Variants in SLC4A10 observed in about 807,000 individuals in gnomAD.
SLC4A10 encodes the protein sodium-driven chloride bicarbonate exchanger.
SLC4A10 carries 42 observed loss-of-function variants against 137.7 expected under a neutral mutation model. The ratio of observed to expected loss-of-function variants is 0.30; its 90% CI spans 0.24 to 0.39. The LOEUF (loss-of-function observed/expected upper bound fraction) is 0.39. Among genes scored for constraint, SLC4A10 ranks in the 10% least tolerant of loss-of-function variants. SLC4A10 has a pLI of 1.00. For synonymous variants in SLC4A10, 474 were observed against 464.1 expected, an observed-to-expected ratio of 1.02 and a Z score of -0.27; for missense variants, 925 against 1,355.0, an observed-to-expected ratio of 0.68 and a Z score of 4.98.
intron 13 of SLC4A10, 78 bp from the exon 14 acceptor site, chr2:161,904,698 T>C: frequency 6.5e-7 from 1 of 1,534,462 alleles, no homozygotes; most frequent in Non-Finnish European, 8.9e-7. Flanking sequence ...CATATCCATG[T>C]ATTTTAAATG....
intron 17 of SLC4A10, among the ~76,000 whole-genome samples, chr2:161,948,105 T>A (rs1443635404): frequency 6.6e-6 from 1 of 152,162 alleles, no homozygotes; most frequent in Non-Finnish European, 1.5e-5. Context: ...CAAGACTCAT[T>A]GGAACAATAT....
Position 161,949,232 on chromosome 2 carries a change from C to G in SLC4A10, c.2350C>G (p.Pro784Ala). The change falls in exon 18 of 27, where the codon CCA (proline) becomes GCA (alanine). Residue 784 changes from proline (P) to alanine (A), a missense_variant. Physicochemically the swap from Pro to Ala is conservative, Grantham distance 27. Transcript: ENST00000446997. The part of the protein sequence containing the change: ...LIDYAIGIPS[P>A]KLQVPSVFKP... Reference sequence around the variant, plus strand: ...TGACTATGCCATTGGGATCCCATCTCCAAAACTACAAGTACCAAGTGTTTT... The same window carrying G: ...TGACTATGCCATTGGGATCCCATCTGCAAAACTACAAGTACCAAGTGTTTT... 1 of 1,611,020 alleles carries G rather than the reference C, an allele frequency of 6.2e-7. No homozygotes were observed.
At chr2:161,976,927 A>T (rs1329472318) in intron 25 of SLC4A10, 51 bp downstream of exon 25, 2 of 960,772 alleles carry the variant, frequency 2.1e-6, no homozygotes, top group Non-Finnish European at 3.1e-6. Context: ...TTGTTTTTTG[A>T]CATAAACCAT....
At chr2:161,762,505 C>CA in intron 1 of SLC4A10, among the ~76,000 whole-genome samples, 1 of 151,992 alleles carries the variant, frequency 6.6e-6, no homozygotes, top group Non-Finnish European at 1.5e-5. Context: ...CTTTAACTTC[C>CA]ATGGTAATGA....
intron 1 of SLC4A10, among the ~76,000 whole-genome samples, chr2:161,658,663 G>T (rs570606730): frequency 7.3e-6 from 1 of 136,342 alleles, no homozygotes; most frequent in Non-Finnish European, 1.5e-5. Context: ...GTACAATCTC[G>T]GCTCACTGCA....
At chr2:161,752,425 C>T (rs1302669865) in intron 1 of SLC4A10, among the ~76,000 whole-genome samples, 1 of 152,022 alleles carries the variant, frequency 6.6e-6, no homozygotes, top group Non-Finnish European at 1.5e-5. Context: ...GATGGCTCTT[C>T]ATCTCTGAAC....
Position 161,882,405 on chromosome 2 carries a change from T to C in SLC4A10, c.1155T>C (p.His385=). 3 of 1,600,978 alleles carry C rather than the reference T, an allele frequency of 1.9e-6. No homozygotes were observed. The highest frequency in any genetic ancestry group is 2.6e-6 in the Non-Finnish European group (3 of 1,173,120). The change falls in exon 10 of 27, where the codon CAT becomes CAC. Residue 385 remains histidine, a synonymous_variant. Coordinates refer to ENST00000446997, the MANE Select transcript of SLC4A10 (RefSeq NM_001178015.2). ...LGPLGKGQQY[H]EIGRSIATLM... is the part of the protein sequence containing the mutation. Reference sequence around the variant, plus strand: ...CCCTGGGAAAGGGTCAACAGTACCATGAGATTGGCAGATCAATTGCAACCC... The same window carrying C: ...CCCTGGGAAAGGGTCAACAGTACCACGAGATTGGCAGATCAATTGCAACCC...
At chr2:161,687,212 G>A (rs2041522083) in intron 1 of SLC4A10, among the ~76,000 whole-genome samples, 1 of 152,104 alleles carries the variant, frequency 6.6e-6, no homozygotes, top group Non-Finnish European at 1.5e-5. Context: ...ATATGTGCAT[G>A]ATGAATTGCT....
chr2:161,928,851 G>T (rs1311375866), intron 15 of SLC4A10, among the ~76,000 whole-genome samples: 1 of 152,062 alleles, frequency 6.6e-6, no homozygotes, highest in Non-Finnish European at 1.5e-5. Flanking sequence ...TATAGGCATA[G>T]ATATACAGTA....
At chr2:161,915,065 C>G (rs1004391337) in intron 15 of SLC4A10, among the ~76,000 whole-genome samples, 1 of 151,992 alleles carries the variant, frequency 6.6e-6, no homozygotes, top group African/African-American at 2.4e-5. Flanking sequence ...TAAGGCCCAC[C>G]CAACACCTTA....
At chr2:161,866,841 ATAT>A (rs938503875) in intron 6 of SLC4A10, among the ~76,000 whole-genome samples, 1 of 151,856 alleles carries the variant, frequency 6.6e-6, no homozygotes, top group East Asian at 1.9e-4. Flanking sequence ...CTATTATAAA[ATAT>A]TATTATCCTT....
At chr2:161,774,364 A>G (rs542099841) in intron 2 of SLC4A10, among the ~76,000 whole-genome samples, 23 of 152,090 alleles carry the variant, frequency 1.5e-4, no homozygotes, top group African/African-American at 5.3e-4. Context: ...ACTTTTTAGT[A>G]TAGGTACATC....
chr2:161,799,600 GAAGGGAA>G (rs2055163232), intron 2 of SLC4A10, among the ~76,000 whole-genome samples: 1 of 151,960 alleles, frequency 6.6e-6, no homozygotes, highest in African/African-American at 2.4e-5. Context: ...CTGGCATTGT[GAAGGGAA>G]AAGGGAACTA....
chr2:161,879,744 C>G (rs1026540705), intron 9 of SLC4A10, among the ~76,000 whole-genome samples: 1 of 151,972 alleles, frequency 6.6e-6, no homozygotes, highest in African/African-American at 2.4e-5. Flanking sequence ...TAAGTGCCAT[C>G]GTTAGGATAG....
intron 1 of SLC4A10, among the ~76,000 whole-genome samples, chr2:161,738,650 C>G (rs181084105): frequency 6.6e-6 from 1 of 152,286 alleles, no homozygotes; most frequent in Non-Finnish European, 1.5e-5. Flanking sequence ...TTAGGCTAAA[C>G]CTGATTTAAC....
At chr2:161,857,031 AATT>A (rs2060144602) in intron 5 of SLC4A10, among the ~76,000 whole-genome samples, 1 of 152,152 alleles carries the variant, frequency 6.6e-6, no homozygotes. Context: ...ACATTTCTTA[AATT>A]ATGTAATTTC....
intron 1 of SLC4A10, among the ~76,000 whole-genome samples, chr2:161,673,636 A>G (rs1392900589): frequency 6.6e-6 from 1 of 152,192 alleles, no homozygotes; most frequent in African/African-American, 2.4e-5. Context: ...CTTGAAACAC[A>G]AGAATCTTGG....
At chr2:161,635,392 G>A (rs1171021156) in intron 1 of SLC4A10, among the ~76,000 whole-genome samples, 2 of 152,094 alleles carry the variant, frequency 1.3e-5, no homozygotes, top group Non-Finnish European at 2.9e-5. Flanking sequence ...CTTATACTAA[G>A]CAGATGTTGT....
intron 15 of SLC4A10, among the ~76,000 whole-genome samples, chr2:161,941,468 T>C (rs1179052827): frequency 6.6e-6 from 1 of 152,214 alleles, no homozygotes. Context: ...TGTAGTAAGC[T>C]AACATGTCTA....
Sources: allele counts gnomAD v4.1 joint callset (sites outside exome capture counted in the v4.1 genomes callset), GRCh38; gene constraint gnomAD v4.1.1; transcripts MANE v1.5; gene names NCBI Gene and HGNC (gene_info 2026-07-23, HGNC 2026-07-21).